Variants in SLC6A5 observed in about 807,000 individuals in gnomAD.
The protein encoded by SLC6A5 is sodium- and chloride-dependent glycine transporter 2.
In SLC6A5, 58 loss-of-function variants were observed where a neutral mutation model predicts 90.5. The observed-to-expected ratio is 0.64, with a 90% CI of 0.52 to 0.80. The LOEUF (loss-of-function observed/expected upper bound fraction) is 0.80. Ranked by LOEUF, SLC6A5 falls within the 30% of genes least tolerant of loss-of-function variation. The pLI is 0.00. For synonymous variants in SLC6A5, 427 were observed against 401.4 expected (o/e 1.06, Z -0.76); for missense variants, 1,015 against 1,017.6 (o/e 1.00, Z 0.03).
chr11:20,630,590 T>A, intron 9 of SLC6A5, 101 bp from the exon 10 acceptor site: 1 of 1,362,530 alleles, frequency 7.3e-7, no homozygotes, highest in Non-Finnish European at 1.0e-6. Context: ...TGCCTACACA[T>A]GTGCAGACAA....
Position 20,657,029 on chromosome 11 carries a change from G to A in SLC6A5, c.*2161G>A, listed in dbSNP as rs1022429909. On this transcript the variant is annotated 3_prime_UTR_variant, in exon 16 of 16. Coordinates refer to ENST00000525748, the MANE Select transcript of SLC6A5 (RefSeq NM_004211.5). The stretch of plus-strand genomic sequence containing the variant: ...TATCTGCAGGCTTTGCAATTTGAAG[G>A]TTGAGAAAGAGAGCTTAAATCAATT... 1.3e-5 allele frequency: 2 copies of A among 152,210 alleles called. No individual in the cohort carries two copies. The highest frequency in any genetic ancestry group is 3.8e-4 in the East Asian group (2 of 5,196). 9.4% of individuals were successfully genotyped at this position (152,210 alleles called of 1,614,324 possible). A position where few individuals can be genotyped will look rare whatever the true frequency, so the allele number is the denominator to read the frequency against.
chr11:20,652,545 A>G, intron 15 of SLC6A5, 89 bp downstream of exon 15: 3 of 1,309,496 alleles, frequency 2.3e-6, no homozygotes, highest in Non-Finnish European at 3.3e-6. Context: ...GATTCGGTAA[A>G]CTTATTCAAG....
At chr11:20,605,241 G>A (rs1852556384) in intron 3 of SLC6A5, among the ~76,000 whole-genome samples, 1 of 152,144 alleles carries the variant, frequency 6.6e-6, no homozygotes, top group Non-Finnish European at 1.5e-5. Context: ...CTTCTCAACC[G>A]GACCGAAGGG....
intron 3 of SLC6A5, among the ~76,000 whole-genome samples, chr11:20,606,309 T>A (rs913995610): frequency 3.9e-5 from 6 of 152,136 alleles, no homozygotes; most frequent in Non-Finnish European, 8.8e-5. Flanking sequence ...GACACTTACA[T>A]AAAAATTATC....
At chr11:20,600,390 GAAGAA>G (rs1852442844) in intron 1 of SLC6A5, among the ~76,000 whole-genome samples, 1 of 147,584 alleles carries the variant, frequency 6.8e-6, no homozygotes, top group Non-Finnish European at 1.5e-5. Context: ...AGAAGAAGAA[GAAGAA>G]GAAGAAGAAG....
intron 5 of SLC6A5, among the ~76,000 whole-genome samples, chr11:20,614,284 A>G (rs1235645172): frequency 6.6e-6 from 1 of 152,184 alleles, no homozygotes; most frequent in Non-Finnish European, 1.5e-5. Context: ...TCTCTTCCTC[A>G]TAAGCTGTGT....
chr11:20,641,935 A>G (rs1279449579), intron 13 of SLC6A5, among the ~76,000 whole-genome samples: 2 of 152,096 alleles, frequency 1.3e-5, no homozygotes, highest in African/African-American at 4.8e-5. Flanking sequence ...TAGTCAGAAA[A>G]TCCTTGGAGG....
chr11:20,644,750 C>G (rs1853377209), intron 13 of SLC6A5, among the ~76,000 whole-genome samples: 1 of 152,126 alleles, frequency 6.6e-6, no homozygotes, highest in Non-Finnish European at 1.5e-5. Flanking sequence ...AATTTTCACC[C>G]CAATGTAACC....
intron 15 of SLC6A5, among the ~76,000 whole-genome samples, chr11:20,653,639 G>A (rs1177079773): frequency 6.6e-6 from 1 of 152,238 alleles, no homozygotes; most frequent in Admixed American, 6.5e-5. Flanking sequence ...AAAAGGAGGT[G>A]TAGGAATCTT....
chr11:20,645,571 T>A (rs1006227728), intron 13 of SLC6A5, among the ~76,000 whole-genome samples: 4 of 151,270 alleles, frequency 2.6e-5, no homozygotes, highest in African/African-American at 9.7e-5. Flanking sequence ...TGTTGGTATG[T>A]CCCTCTTGAC....
chr11:20,637,377 C>A, intron 12 of SLC6A5, 74 bp downstream of exon 12: 1 of 1,367,482 alleles, frequency 7.3e-7, no homozygotes, highest in South Asian at 1.2e-5. Context: ...TGTCTTTCAA[C>A]CCTTAGCTCT....
Position 20,625,258 on chromosome 11 carries a change from G to GTTTC in SLC6A5, c.1261-1434_1261-1431dup, listed in dbSNP as rs1334171537. Among the ~76,000 whole-genome samples the GTTTC allele has an allele frequency of 2.6e-5, 4 of 152,148 alleles. No homozygotes were observed. In the East Asian group the frequency reaches 5.8e-4, roughly 22 times the overall value. On this transcript the variant is annotated intron_variant, in intron 7 of 15. Transcript: ENST00000525748. ...GTTCTGCTAATGTTACCTCCCAAAT[G>GTTTC]TTTCTTTCTTTCTTTCTTTTGAGAT...
intron 3 of SLC6A5, among the ~76,000 whole-genome samples, chr11:20,605,047 T>C (rs12293253): frequency 0.29 from 44,636 of 152,062 alleles, 6,799 homozygotes; most frequent in South Asian, 0.38. Flanking sequence ...GTTTCAGAGG[T>C]GGGGAGGACA....
intron 7 of SLC6A5, among the ~76,000 whole-genome samples, chr11:20,620,395 T>C (rs1852867397): frequency 6.6e-6 from 1 of 152,226 alleles, no homozygotes; most frequent in Admixed American, 6.5e-5. Context: ...AAATAGGGGA[T>C]AATAGTGCAT....
Position 20,599,647 on chromosome 11 carries a change from A to G in SLC6A5, c.-26A>G. The G allele has an allele frequency of 6.2e-7, 1 of 1,613,900 alleles. No individual in the cohort carries two copies. The highest frequency in any genetic ancestry group is 8.5e-7 in the Non-Finnish European group (1 of 1,180,012). ...TCAATAGCGGGTTTCACCCTCCACC[A>G]GTTCAGTCTGTTGCCTGTGTCAGAC... On this transcript the variant is annotated 5_prime_UTR_variant, in exon 1 of 16. Coordinates refer to ENST00000525748, the MANE Select transcript of SLC6A5 (RefSeq NM_004211.5).
Position 20,604,509 on chromosome 11 carries a change from C to G in SLC6A5, c.679+85C>G, listed in dbSNP as rs1852540802. 5.8e-6 allele frequency: 9 copies of G among 1,541,060 alleles called. No individual in the cohort carries two copies. The South Asian group carries it at 9.7e-5, about 17-fold the overall frequency. ...TGGGACAGGAGCCCTCAGGCAGGGCCGCCGGGCGGGGAGGCTCAGGACAGC... is the reference window on the plus strand; with the variant it reads ...TGGGACAGGAGCCCTCAGGCAGGGCGGCCGGGCGGGGAGGCTCAGGACAGC... On this transcript the variant is annotated intron_variant, in intron 3 of 15. Coordinates refer to ENST00000525748, the MANE Select transcript of SLC6A5 (RefSeq NM_004211.5).
intron 13 of SLC6A5, among the ~76,000 whole-genome samples, chr11:20,643,996 A>G (rs1315518987): frequency 6.6e-6 from 1 of 152,154 alleles, no homozygotes; most frequent in South Asian, 2.1e-4. Context: ...TTTTTGAGTT[A>G]ATTTTAAGAT....
chr11:20,651,342 C>T (rs968645147), intron 14 of SLC6A5, among the ~76,000 whole-genome samples: 7 of 148,902 alleles, frequency 4.7e-5, no homozygotes, highest in Admixed American at 3.4e-4. Flanking sequence ...GGCATGATCT[C>T]GGCTTACTGC....
At chr11:20,605,417 T>C (rs1349467135) in intron 3 of SLC6A5, among the ~76,000 whole-genome samples, 2 of 152,184 alleles carry the variant, frequency 1.3e-5, no homozygotes, top group African/African-American at 2.4e-5. Context: ...ACTCCCGTCC[T>C]CTCCAGTTCC....
Sources: allele counts gnomAD v4.1 joint callset (sites outside exome capture counted in the v4.1 genomes callset), GRCh38; gene constraint gnomAD v4.1.1; transcripts MANE v1.5; gene names NCBI Gene and HGNC (gene_info 2026-07-23, HGNC 2026-07-21).